ANO3: variants seen among roughly 807,000 people sequenced by gnomAD.
The protein encoded by ANO3 is anoctamin 3.
Under a neutral mutation model 144.8 loss-of-function variants are expected in ANO3, and 99 were observed. The ratio of observed to expected loss-of-function variants is 0.68; its 90% CI spans 0.58 to 0.81. ANO3 has a LOEUF of 0.81. Among genes scored for constraint, ANO3 ranks in the 30% least tolerant of loss-of-function variants. The pLI is 0.00. For synonymous variants in ANO3, 414 were observed against 392.6 expected (o/e 1.05, Z -0.64); for missense variants, 905 against 1,202.2 (o/e 0.75, Z 3.66).
chr11:26,463,112 C>G lies in ANO3; in HGVS notation c.396C>G (p.Ile132Met). Residue 132 changes from isoleucine to methionine, a missense_variant, in exon 4 of 27, where the codon ATC becomes ATG. Coordinates refer to ENST00000256737, the MANE Select transcript of ANO3 (RefSeq NM_031418.4). ...CTCGTCTCATTAATGACTTTGTTAT[C>G]AAAGATAAATCTGAATTCAAGACAA... is the stretch of plus-strand genomic sequence containing the variant. ...DRSRLINDFV[I>M]KDKSEFKTKL... 1 of 1,588,940 alleles carries G rather than the reference C, an allele frequency of 6.3e-7. No individual in the cohort carries two copies. Among genetic ancestry groups the G allele is most frequent in the Non-Finnish European group, 8.6e-7 (1 of 1,167,046 alleles).
chr11:26,287,610 G>A (rs1212526462), intron 1 of ANO3: 1 of 152,146 alleles, frequency 6.6e-6, no homozygotes, highest in Non-Finnish European at 1.5e-5. Context: ...TCATTTACAG[G>A]TGAGGAAACA....
At chr11:26,285,847 C>A (rs181850193) in intron 1 of ANO3, 9 of 152,180 alleles carry the variant, frequency 5.9e-5, no homozygotes, top group African/African-American at 1.7e-4. Context: ...TCCATTCATG[C>A]CATGGAAAGG....
intron 5 of ANO3, among the ~76,000 whole-genome samples, chr11:26,512,086 A>G (rs895891399): frequency 2.0e-5 from 3 of 152,232 alleles, no homozygotes; most frequent in Non-Finnish European, 4.4e-5. Flanking sequence ...AAAAGAACAT[A>G]GATTTGAAGA....
At chr11:26,533,804 A>C (rs1307653669) in intron 8 of ANO3, among the ~76,000 whole-genome samples, 2 of 152,220 alleles carry the variant, frequency 1.3e-5, no homozygotes, top group Non-Finnish European at 2.9e-5. Context: ...CTAATTCAGG[A>C]CTACGTGCTT....
At chr11:26,650,583 A>G (rs1305747558) in intron 24 of ANO3, among the ~76,000 whole-genome samples, 1 of 152,326 alleles carries the variant, frequency 6.6e-6, no homozygotes, top group East Asian at 1.9e-4. Flanking sequence ...GTGGCACCAA[A>G]CAGTATTGCT....
chr11:26,445,865 T>A (rs770486671), intron 3 of ANO3, among the ~76,000 whole-genome samples: 1 of 152,088 alleles, frequency 6.6e-6, no homozygotes, highest in Non-Finnish European at 1.5e-5. Context: ...AGAGTGTTTC[T>A]CTCTTGCGCA....
rs908526251 is a variant in ANO3, at chr11:26,635,009, A to G, written c.1986-4A>G. 1.2e-6 allele frequency: 2 copies of G among 1,612,290 alleles called. No individual in the cohort carries two copies. The highest frequency in any genetic ancestry group is 2.7e-5 in the African/African-American group (2 of 74,898). ...TGCTAATGAACTAAAATGTCTTCTT[A>G]CAGATTCGTAGGCCACCCAGGAAAA... On this transcript the variant is annotated splice_region_variant and splice_polypyrimidine_tract_variant and intron_variant, in intron 19 of 26. Coordinates refer to ENST00000256737, the MANE Select transcript of ANO3 (RefSeq NM_031418.4).
Position 26,507,179 on chromosome 11 carries a change from GA to G in ANO3, c.433-921del, listed in dbSNP as rs374449619. Among the ~76,000 whole-genome samples, 1,416 of 152,262 alleles carry G rather than the reference GA, an allele frequency of 9.3e-3. 19 individuals carry two copies. Among genetic ancestry groups the G allele is most frequent in the African/African-American group, 0.028 (1,166 of 41,542 alleles). The stretch of plus-strand genomic sequence containing the variant: ...AAAGCCCCCCTAAGAGGACCATGAG[GA>G]AAATGTGTTGATCAATAAAGCTGAT... On this transcript the variant is annotated intron_variant, in intron 4 of 26. Coordinates refer to ENST00000256737, the MANE Select transcript of ANO3 (RefSeq NM_031418.4).
Position 26,531,296 on chromosome 11 carries a change from G to T in ANO3, c.829G>T (p.Asp277Tyr), listed in dbSNP as rs1262939645. ...AGCTTTTCCAGACCTAGAGGAGTCA[G>T]ACTGCTATACTGGCCCCTTCAGCCG... ...KSAFPDLEES[D>Y]CYTGPFSRAR... The change falls in exon 8 of 27, where the codon GAC (aspartate) becomes TAC (tyrosine). Residue 277 changes from aspartate (D) to tyrosine (Y), a missense_variant. Physicochemically the swap from Asp to Tyr is radical, Grantham distance 160 (BLOSUM62 -3). This residue lies in a region of ANO3 where 71 missense variants were observed against 57.9 expected (regional missense o/e 1.23). Transcript: ENST00000256737. The T allele has an allele frequency of 1.9e-6, 3 of 1,613,822 alleles. No individual in the cohort carries two copies. Among genetic ancestry groups the T allele is most frequent in the African/African-American group, 2.7e-5 (2 of 74,890 alleles).
chr11:26,532,028 G>C (rs752014243), intron 8 of ANO3, among the ~76,000 whole-genome samples: 1 of 152,172 alleles, frequency 6.6e-6, no homozygotes, highest in Non-Finnish European at 1.5e-5. Context: ...AGGAAAAGGC[G>C]TGATGTATTG....
At chr11:26,546,025 T>C (rs546451492) in intron 11 of ANO3, among the ~76,000 whole-genome samples, 219 of 152,032 alleles carry the variant, frequency 1.4e-3, no homozygotes, top group African/African-American at 4.4e-3. Context: ...ATCTATATCA[T>C]ACTGATATAG....
intron 1 of ANO3, among the ~76,000 whole-genome samples, chr11:26,200,417 T>C (rs752348240): frequency 1.3e-5 from 2 of 152,186 alleles, no homozygotes; most frequent in African/African-American, 2.4e-5. Context: ...GTCACTCTAT[T>C]ATAATCTTTA....
chr11:26,588,194 C>T (rs1851343716), intron 14 of ANO3, among the ~76,000 whole-genome samples: 1 of 152,094 alleles, frequency 6.6e-6, no homozygotes, highest in Non-Finnish European at 1.5e-5. Context: ...GTTCTTGAGC[C>T]TCTTGCCTGT....
chr11:26,563,391 C>CTGTGTG (rs1324484561), intron 14 of ANO3: 14 of 840,842 alleles, frequency 1.7e-5, no homozygotes, highest in South Asian at 1.1e-4. Context: ...GTGTGTTTCT[C>CTGTGTG]TCTCTGTGTG....
intron 17 of ANO3, among the ~76,000 whole-genome samples, chr11:26,603,494 A>T (rs559173168): frequency 6.6e-6 from 1 of 152,212 alleles, no homozygotes; most frequent in South Asian, 2.1e-4. Context: ...AGAGTAGTAG[A>T]TATTAAAAAA....
At chr11:26,347,081 T>C (rs1393318658) in intron 1 of ANO3, among the ~76,000 whole-genome samples, 2 of 152,232 alleles carry the variant, frequency 1.3e-5, no homozygotes, top group East Asian at 1.9e-4. Flanking sequence ...TAGGAGGTAA[T>C]GTAAGATGGT....
chr11:26,475,663 G>C (rs868128375), intron 4 of ANO3, among the ~76,000 whole-genome samples: 43 of 151,946 alleles, frequency 2.8e-4, no homozygotes, highest in Admixed American at 2.8e-3. Context: ...AGTATGTGCT[G>C]CATAATTATA....
intron 1 of ANO3, among the ~76,000 whole-genome samples, chr11:26,430,416 A>T (rs1858052159): frequency 6.6e-6 from 1 of 152,174 alleles, no homozygotes; most frequent in Admixed American, 6.5e-5. Flanking sequence ...GAAAAAAGAA[A>T]ACATAACTAA....
intron 18 of ANO3, among the ~76,000 whole-genome samples, chr11:26,628,670 C>T (rs77586788): frequency 1.1e-3 from 167 of 152,298 alleles, no homozygotes; most frequent in African/African-American, 4.0e-3. Context: ...TGTCTGTTGC[C>T]ACATAGCCTT....
Sources: allele counts gnomAD v4.1 joint callset (sites outside exome capture counted in the v4.1 genomes callset), GRCh38; gene constraint gnomAD v4.1.1; regional missense constraint gnomAD v4.1.1; transcripts MANE v1.5; gene names NCBI Gene and HGNC (gene_info 2026-07-23, HGNC 2026-07-21).